The following RFX4 variants were observed in gnomAD, a reference collection of about 807,000 sequenced individuals.
RFX4 encodes transcription factor RFX4.
In RFX4, 10 loss-of-function variants were observed where a neutral mutation model predicts 95.0. The observed-to-expected ratio is 0.11, with a 90% CI of 0.06 to 0.18. RFX4 has a LOEUF of 0.18. Among genes scored for constraint, RFX4 ranks in the 10% least tolerant of loss-of-function variants. RFX4 has a pLI of 1.00. For missense variants in RFX4, 640 were observed against 922.0 expected, an observed-to-expected ratio of 0.69 and a Z score of 3.96; for synonymous variants, 321 against 340.7, an observed-to-expected ratio of 0.94 and a Z score of 0.64.
At chr12:106,705,313 G>A (rs1033390804) in intron 8 of RFX4, among the ~76,000 whole-genome samples, 2 of 152,244 alleles carry the variant, frequency 1.3e-5, no homozygotes, top group Admixed American at 6.5e-5. Context: ...CGAGTGTGGA[G>A]TTAAGATGTA....
intron 1 of RFX4, among the ~76,000 whole-genome samples, 195 bp from the exon 2 acceptor site, chr12:106,608,602 T>G (rs2039887007): frequency 6.6e-6 from 1 of 152,202 alleles, no homozygotes; most frequent in Admixed American, 6.5e-5. Flanking sequence ...AGCAGTCTCA[T>G]CAGCAGCAGC....
At position 106,646,013 on chromosome 12, in the gene RFX4, C is replaced by CT. The variant is rs2040736425; in HGVS notation, c.191+6628dup. The stretch of plus-strand genomic sequence containing the variant: ...GAGATGCTGTGTTGTGGAACCACAA[C>CT]TTTTTTTAAAAAAAGTATTTTGTGC... On this transcript the variant is annotated intron_variant, in intron 3 of 17. Transcript: ENST00000392842. 5 of 1,170,046 alleles carry CT rather than the reference C, an allele frequency of 4.3e-6. No homozygotes were observed. In the African/African-American group the frequency reaches 4.7e-5, roughly 11 times the overall value. The allele number at this position is 1,170,046 out of a possible 1,614,324, so 72.5% of individuals were successfully genotyped here.
At chr12:106,625,750 A>G (rs1248847569) in intron 2 of RFX4, among the ~76,000 whole-genome samples, 1 of 152,222 alleles carries the variant, frequency 6.6e-6, no homozygotes, top group Non-Finnish European at 1.5e-5. Context: ...GGAGGGAGCC[A>G]ATATTAAAAT....
chr12:106,711,610 C>G, intron 10 of RFX4, 99 bp downstream of exon 10: 1 of 916,578 alleles, frequency 1.1e-6, no homozygotes, highest in Non-Finnish European at 1.8e-6. Context: ...TTCAGGTTAA[C>G]AGGGCACTCT....
intron 2 of RFX4, among the ~76,000 whole-genome samples, chr12:106,624,157 T>A (rs1251741681): frequency 6.6e-6 from 1 of 152,152 alleles, no homozygotes; most frequent in Admixed American, 6.5e-5. Flanking sequence ...CAGACTTATT[T>A]TACGTTGGTT....
At chr12:106,667,109 T>G (rs2041192954) in intron 4 of RFX4, among the ~76,000 whole-genome samples, 1 of 152,198 alleles carries the variant, frequency 6.6e-6, no homozygotes, top group Non-Finnish European at 1.5e-5. Context: ...CTCTGGACTG[T>G]GAACTTTACT....
At chr12:106,644,230 CTTTTTTT>C (rs756140160) in intron 3 of RFX4, among the ~76,000 whole-genome samples, 1 of 128,434 alleles carries the variant, frequency 7.8e-6, no homozygotes, top group Non-Finnish European at 1.7e-5. Context: ...GCCATTTCCC[CTTTTTTT>C]TTTTTTTTTT....
chr12:106,684,819 C>A, intron 5 of RFX4: 1 of 1,555,200 alleles, frequency 6.4e-7, no homozygotes, highest in Non-Finnish European at 8.7e-7. Context: ...GCAAAATGAA[C>A]TGGGCTGCCT....
intron 3 of RFX4, among the ~76,000 whole-genome samples, chr12:106,641,134 A>C (rs1291042809): frequency 6.6e-6 from 1 of 152,126 alleles, no homozygotes; most frequent in African/African-American, 2.4e-5. Context: ...CAGAGTAAAA[A>C]ATTTGAAAGG....
In RFX4 at chr12:106,686,911, A is replaced by G. The variant is rs1181057556; in HGVS notation, c.405A>G (p.Lys135=). Residue 135 remains lysine (K), a synonymous_variant, in exon 6 of 18, where the codon AAA becomes AAG. Transcript: ENST00000392842. Reference sequence around the variant, plus strand: ...ACCATTACTATGGCATTGCAGTGAAAGAAAGCTCCCAATATTATGATGTGA... The same window carrying G: ...ACCATTACTATGGCATTGCAGTGAAGGAAAGCTCCCAATATTATGATGTGA... ...SKYHYYGIAV[K]ESSQYYDVMY... 6.2e-7 allele frequency: 1 copy of G among 1,613,666 alleles called. No homozygotes were observed. The highest frequency in any genetic ancestry group is 1.7e-5 in the Admixed American group (1 of 59,964).
At chr12:106,754,842 C>T (rs2043080564) in intron 17 of RFX4, among the ~76,000 whole-genome samples, 1 of 152,100 alleles carries the variant, frequency 6.6e-6, no homozygotes, top group Non-Finnish European at 1.5e-5. Flanking sequence ...TCTGACACTC[C>T]CCTCAATATA....
intron 15 of RFX4, among the ~76,000 whole-genome samples, chr12:106,738,487 G>A (rs932556667): frequency 6.6e-6 from 1 of 152,174 alleles, no homozygotes; most frequent in African/African-American, 2.4e-5. Context: ...AAGGCCACAG[G>A]AATATCATAA....
At chr12:106,726,246 TAAAA>T (rs550366505) in intron 13 of RFX4, among the ~76,000 whole-genome samples, 1 of 108,136 alleles carries the variant, frequency 9.2e-6, no homozygotes. Context: ...AGACTCCATC[TAAAA>T]AAAAAAAAAA....
intron 14 of RFX4, among the ~76,000 whole-genome samples, 200 bp from the exon 15 acceptor site, chr12:106,732,724 T>C (rs1321054910): frequency 2.6e-5 from 4 of 151,834 alleles, no homozygotes; most frequent in Non-Finnish European, 4.4e-5. Flanking sequence ...AATAAATAAA[T>C]AAATAAACAA....
chr12:106,641,951 CTATCTA>C lies in RFX4; in HGVS notation c.191+2573_191+2578del, dbSNP rs1200972708. On this transcript the variant is annotated intron_variant, in intron 3 of 17. Transcript: ENST00000392842. Reference sequence around the variant, plus strand: ...GAAATATCTATATCTATGTCTATATCTATCTATATCTATATCTATCTATATCTATAT... The same window carrying C: ...GAAATATCTATATCTATGTCTATATCTATCTATATCTATCTATATCTATAT... Among the ~76,000 whole-genome samples the C allele has an allele frequency of 4.3e-3, 629 of 144,706 alleles. 4 individuals are homozygous for C. Among genetic ancestry groups the C allele is most frequent in the African/African-American group, 0.014 (519 of 37,576 alleles). 94.9% of individuals were successfully genotyped at this position (144,706 alleles called of 152,430 possible).
At chr12:106,714,785 C>T (rs1229727547) in intron 10 of RFX4, 1 of 152,186 alleles carries the variant, frequency 6.6e-6, no homozygotes, top group Non-Finnish European at 1.5e-5. Flanking sequence ...CCTCCATCCA[C>T]TAACAAACTA....
In RFX4 at chr12:106,714,068, C is replaced by CAAAAAAAAAA. The variant is rs58283896; in HGVS notation, c.994-1318_994-1309dup. ...GGGCAACAAGAGTGAAACTCCATCT[C>CAAAAAAAAAA]AAAAAAAAAAAAAAAAAAAAAAAGC... On this transcript the variant is annotated intron_variant, in intron 10 of 17. Coordinates refer to ENST00000392842, the MANE Select transcript of RFX4 (RefSeq NM_213594.3). 4.9e-4 allele frequency among the ~76,000 whole-genome samples: 15 copies of CAAAAAAAAAA among 30,524 alleles called. 1 individual carries two copies. The highest frequency in any genetic ancestry group is 1.4e-3 in the African/African-American group (9 of 6,486). The allele number at this position is 30,524 out of a possible 152,430, so 20.0% of individuals were successfully genotyped here.
chr12:106,637,037 CGAGA>C (rs1350821719), intron 2 of RFX4, among the ~76,000 whole-genome samples: 1 of 152,260 alleles, frequency 6.6e-6, no homozygotes, highest in East Asian at 1.9e-4. Context: ...CCAGAAGCCC[CGAGA>C]GAGAGTGTCT....
intron 8 of RFX4, among the ~76,000 whole-genome samples, chr12:106,705,824 A>G (rs1371672382): frequency 6.6e-6 from 1 of 152,138 alleles, no homozygotes; most frequent in Non-Finnish European, 1.5e-5. Context: ...CTTACACTTC[A>G]CTTAACAAGC....
Sources: gnomAD v4.1 joint callset for allele counts (sites outside exome capture counted in the v4.1 genomes callset) on GRCh38, gnomAD v4.1.1 for gene constraint, MANE v1.5 for transcripts, NCBI Gene and HGNC (gene_info 2026-07-23, HGNC 2026-07-21) for gene names.